The following UGT1A4 variants were observed in gnomAD, a reference collection of about 807,000 sequenced individuals.
UGT1A4 encodes UDP-glucuronosyltransferase 1A4.
UGT1A4 carries 32 observed loss-of-function variants against 41.1 expected under a neutral mutation model. That is an observed-to-expected ratio of 0.78 (90% CI 0.59 to 1.05). The LOEUF is 1.05. Ranked by LOEUF, UGT1A4 falls within the 50% of genes least tolerant of loss-of-function variation. The pLI, the probability that UGT1A4 is intolerant of heterozygous loss-of-function variation, is 0.00. For missense variants in UGT1A4, 748 were observed against 677.4 expected, an observed-to-expected ratio of 1.10 and a Z score of -1.16; for synonymous variants, 283 against 265.1, an observed-to-expected ratio of 1.07 and a Z score of -0.66.
chr2:233,760,042 T>C (rs1697309671), intron 1 of UGT1A4, among the ~76,000 whole-genome samples: 1 of 152,232 alleles, frequency 6.6e-6, no homozygotes, highest in African/African-American at 2.4e-5. Context: ...TACTTTGCTG[T>C]GTTCACTCAA....
chr2:233,769,729 C>T lies in UGT1A4; in HGVS notation c.1307+1290C>T. The T allele has an allele frequency of 6.8e-6, 10 of 1,468,988 alleles. No homozygotes were observed. Among genetic ancestry groups the T allele is most frequent in the Non-Finnish European group, 9.0e-6 (10 of 1,109,108 alleles). 91.0% of individuals were successfully genotyped at this position (1,468,988 alleles called of 1,614,324 possible). ...TGTTGGCTAGGCACCATGGCACACGCCTGTAGTCCCAGCCACTCTGGAGGC... is the reference window on the plus strand; with the variant it reads ...TGTTGGCTAGGCACCATGGCACACGTCTGTAGTCCCAGCCACTCTGGAGGC... On this transcript the variant is annotated intron_variant, in intron 4 of 4. Transcript: ENST00000373409. This position sits in a 1 kb window ranked among gnomAD's most constrained non-coding sequence, Gnocchi z 4.4.
intron 1 of UGT1A4, chr2:233,729,903 G>C (rs2077945503): frequency 6.2e-7 from 1 of 1,613,906 alleles, no homozygotes; most frequent in East Asian, 2.2e-5. Flanking sequence ...TGTTCCGAGG[G>C]GACTTTGTGA....
At chr2:233,762,417 C>T (rs1698066612) in intron 1 of UGT1A4, among the ~76,000 whole-genome samples, 1 of 152,158 alleles carries the variant, frequency 6.6e-6, no homozygotes, top group Admixed American at 6.5e-5. Flanking sequence ...GCTTTTTCTA[C>T]AAAATAGAGT....
intron 1 of UGT1A4, chr2:233,721,708 G>T (rs994914932): frequency 2.4e-5 from 9 of 371,466 alleles, no homozygotes; most frequent in African/African-American, 4.2e-5. Flanking sequence ...GCTCATCTTG[G>T]ATGCTTTGTT....
At position 233,719,075 on chromosome 2, in the gene UGT1A4, C is replaced by A; in HGVS notation, c.255C>A (p.Thr85=). ...TGACAGCCTATGCTGTTCCATGGAC[C>A]CAGAAGGAATTTGATCGCGTTACGC... is the stretch of plus-strand genomic sequence containing the variant. The part of the protein sequence containing the change: ...FTLTAYAVPW[T]QKEFDRVTLG... The change falls in exon 1 of 5, where the codon ACC becomes ACA. Residue 85 remains threonine (T), a synonymous_variant. Coordinates refer to ENST00000373409, the MANE Select transcript of UGT1A4 (RefSeq NM_007120.3). The A allele has an allele frequency of 1.1e-5, 17 of 1,614,240 alleles. No homozygotes were observed. Among genetic ancestry groups the A allele is most frequent in the Non-Finnish European group, 1.4e-5 (17 of 1,180,040 alleles).
intron 1 of UGT1A4, among the ~76,000 whole-genome samples, chr2:233,762,910 G>A (rs1185953158): frequency 1.3e-5 from 2 of 152,074 alleles, no homozygotes; most frequent in Non-Finnish European, 2.9e-5. Flanking sequence ...CAGGGCTATT[G>A]AATTTATTAG....
intron 1 of UGT1A4, chr2:233,743,847 G>C (rs771949487): frequency 2.9e-6 from 4 of 1,367,222 alleles, no homozygotes; most frequent in East Asian, 4.5e-5. Flanking sequence ...GCCAGCTTGC[G>C]GTACGCCTTC....
rs552536149 is a variant in UGT1A4 at position 233,737,258 on chromosome 2, C to T, written c.867+17571C>T. Among the ~76,000 whole-genome samples, 3 of 152,360 alleles carry T rather than the reference C, an allele frequency of 2.0e-5. No individual in the cohort carries two copies. In the East Asian group the frequency reaches 5.8e-4, roughly 29 times the overall value. On this transcript the variant is annotated intron_variant, in intron 1 of 4. Coordinates refer to ENST00000373409, the MANE Select transcript of UGT1A4 (RefSeq NM_007120.3). Reference sequence around the variant, plus strand: ...CTTTGTTTACCTACTCAAGCCTCAGCAATGGCGGACACCCCTCACCCAGCC... The same window carrying T: ...CTTTGTTTACCTACTCAAGCCTCAGTAATGGCGGACACCCCTCACCCAGCC...
rs769310438 is a variant in UGT1A4 at position 233,760,575 on chromosome 2, G to A, written c.868-6459G>A. The A allele has an allele frequency of 1.1e-5, 18 of 1,614,108 alleles. No individual in the cohort carries two copies. Among genetic ancestry groups the A allele is most frequent in the Non-Finnish European group, 1.5e-5 (18 of 1,180,054 alleles). On this transcript the variant is annotated intron_variant, in intron 1 of 4. Transcript: ENST00000373409. ...TGAAAGAGTCTTTTGTTAGTCTCGG[G>A]CATAATGTTTTTGAGAATGATTCTT... is the stretch of plus-strand genomic sequence containing the variant.
At chr2:233,768,083 C>T in intron 3 of UGT1A4, 137 bp from the exon 4 acceptor site, 1 of 1,591,312 alleles carries the variant, frequency 6.3e-7, no homozygotes, top group Non-Finnish European at 8.6e-7. Flanking sequence ...GGTATCTCAA[C>T]CCACATTTTC....
chr2:233,752,178 G>A (rs941619397), intron 1 of UGT1A4, among the ~76,000 whole-genome samples: 2 of 152,178 alleles, frequency 1.3e-5, no homozygotes, highest in African/African-American at 4.8e-5. Flanking sequence ...GATGTAAGCT[G>A]AATTAAAATC....
chr2:233,767,835 T>C lies in UGT1A4; in HGVS notation c.1000-14T>C. Reference sequence around the variant, plus strand: ...TGTTCTTTCTTTACGTTCTGCTCTTTTTGCCCCTCCCAGGTCCTGTGGCGG... The same window carrying C: ...TGTTCTTTCTTTACGTTCTGCTCTTCTTGCCCCTCCCAGGTCCTGTGGCGG... On this transcript the variant is annotated splice_polypyrimidine_tract_variant and intron_variant, in intron 2 of 4. Coordinates refer to ENST00000373409, the MANE Select transcript of UGT1A4 (RefSeq NM_007120.3). 1.9e-6 allele frequency: 3 copies of C among 1,614,192 alleles called. No homozygotes were observed. Among genetic ancestry groups the C allele is most frequent in the Non-Finnish European group, 2.5e-6 (3 of 1,180,034 alleles).
chr2:233,729,312 C>G (rs747184472), intron 1 of UGT1A4: 38 of 1,614,236 alleles, frequency 2.4e-5, no homozygotes, highest in Admixed American at 5.0e-5. Flanking sequence ...TGGTCCTCAC[C>G]CCAGAGGTGA....
At position 233,773,058 on chromosome 2, in the gene UGT1A4, T is replaced by C. The variant is rs893890445; in HGVS notation, c.*499T>C. The C allele has an allele frequency of 5.7e-6, 1 of 175,710 alleles. No homozygotes were observed. The highest frequency in any genetic ancestry group is 2.4e-5 in the African/African-American group (1 of 41,884). The allele number at this position is 175,710 out of a possible 1,614,324, so 10.9% of individuals were successfully genotyped here. A position where few individuals can be genotyped will look rare whatever the true frequency, so the allele number is the denominator to read the frequency against. On this transcript the variant is annotated 3_prime_UTR_variant, in exon 5 of 5. Transcript: ENST00000373409. ...AGGGAAGCTTTGTACCTTTAGAGTGTAGGTGAAATGAATGAATGGCTTGGA... is the reference window on the plus strand; with the variant it reads ...AGGGAAGCTTTGTACCTTTAGAGTGCAGGTGAAATGAATGAATGGCTTGGA...
rs201968211 is a variant in UGT1A4 at position 233,718,966 on chromosome 2, G to A, written c.146G>A (p.Arg49Gln). 301 of 1,614,070 alleles carry A rather than the reference G, an allele frequency of 1.9e-4. 1 individual carries two copies. The highest frequency in any genetic ancestry group is 1.6e-4 in the Middle Eastern group (1 of 6,072). The change falls in exon 1 of 5, where the codon CGG becomes CAG. Residue 49 changes from arginine to glutamine, a missense_variant. Physicochemically the swap from Arg to Gln is conservative, Grantham distance 43 (BLOSUM62 1). Transcript: ENST00000373409. ...SPWLSMREAL[R>Q]ELHARGHQAV... ...TGGCTCAGCATGCGGGAGGCCTTGC[G>A]GGAGCTCCATGCCAGAGGCCACCAG...
At chr2:233,743,564 G>C (rs772866173) in intron 1 of UGT1A4, 1 of 1,367,272 alleles carries the variant, frequency 7.3e-7, no homozygotes, top group East Asian at 4.6e-5. Flanking sequence ...ATTCTCCAGC[G>C]GGTTTCCCAA....
rs771877893 is a variant in UGT1A4 at position 233,719,126 on chromosome 2, A to C, written c.306A>C (p.Glu102Asp). The C allele has an allele frequency of 9.9e-6, 16 of 1,614,152 alleles. No homozygotes were observed. Among genetic ancestry groups the C allele is most frequent in the Non-Finnish European group, 1.4e-5 (16 of 1,180,060 alleles). ...TGGGCTACACTCAAGGGTTCTTTGA[A>C]ACAGAACATCTTCTGAAGAGATATT... Reference protein sequence around the residue: ...VTLGYTQGFFETEHLLKRYSR... With the variant: ...VTLGYTQGFFDTEHLLKRYSR... The change falls in exon 1 of 5, where the codon GAA becomes GAC. Residue 102 changes from glutamate (E) to aspartate (D), a missense_variant. Glu to Asp is a conservative substitution (Grantham distance 45, BLOSUM62 2). Transcript: ENST00000373409.
In UGT1A4 at chr2:233,725,203, CAGA is replaced by C. The variant is rs1559370309; in HGVS notation, c.867+5517_867+5519del. On this transcript the variant is annotated intron_variant, in intron 1 of 4. Transcript: ENST00000373409. The stretch of plus-strand genomic sequence containing the variant: ...GGAGAGGCAGAGGCAGAGGCAGAGG[CAGA>C]GGCAGAGGCAGAGGAGGCAGAGGCA... Among the ~76,000 whole-genome samples, 4 of 83,028 alleles carry C rather than the reference CAGA, an allele frequency of 4.8e-5. 1 individual carries two copies. The highest frequency in any genetic ancestry group is 4.2e-5 in the Non-Finnish European group (2 of 47,892). 54.5% of individuals were successfully genotyped at this position (83,028 alleles called of 152,430 possible). A position where few individuals can be genotyped will look rare whatever the true frequency, so the allele number is the denominator to read the frequency against.
chr2:233,744,623 G>A (rs1465647088), intron 1 of UGT1A4, among the ~76,000 whole-genome samples: 4 of 151,984 alleles, frequency 2.6e-5, no homozygotes, highest in Admixed American at 6.5e-5. Context: ...CTATAGAGAG[G>A]TGGATTCTCA....
Sources: allele counts gnomAD v4.1 joint callset (sites outside exome capture counted in the v4.1 genomes callset), GRCh38; gene constraint gnomAD v4.1.1; non-coding constraint Gnocchi (gnomAD v3.1); transcripts MANE v1.5; gene names NCBI Gene and HGNC (gene_info 2026-07-23, HGNC 2026-07-21).